The following KRT20 variants were observed in gnomAD, a reference collection of about 807,000 sequenced individuals.
The protein encoded by KRT20 is keratin 20.
Under a neutral mutation model 43.0 loss-of-function variants are expected in KRT20, and 41 were observed. The ratio of observed to expected loss-of-function variants is 0.95; its 90% CI spans 0.74 to 1.24. The LOEUF (loss-of-function observed/expected upper bound fraction) is 1.24. Ranked by LOEUF, KRT20 falls within the 50% of genes most tolerant of loss-of-function variation. KRT20 has a pLI of 0.00. For synonymous variants in KRT20, 207 were observed against 200.6 expected (o/e 1.03, Z -0.27); for missense variants, 533 against 521.2 (o/e 1.02, Z -0.22).
At position 40,877,315 on chromosome 17, in the gene KRT20, A is replaced by G. The variant is rs573260263; in HGVS notation, c.1177+65T>C. Reference sequence around the variant, plus strand: ...AAACAGCCTCACTTTACTTTTTATCAGTGGCATGTAGTTAATAGAAAGCAG... The same window carrying G: ...AAACAGCCTCACTTTACTTTTTATCGGTGGCATGTAGTTAATAGAAAGCAG... On this transcript the variant is annotated intron_variant, in intron 7 of 7. Coordinates refer to ENST00000167588, the MANE Select transcript of KRT20 (RefSeq NM_019010.3). 8 of 1,087,420 alleles carry G rather than the reference A, an allele frequency of 7.4e-6. No individual in the cohort carries two copies. In the African/African-American group the frequency reaches 1.2e-4, roughly 16 times the overall value. 67.4% of individuals were successfully genotyped at this position (1,087,420 alleles called of 1,614,324 possible).
rs57044103 is a variant in KRT20 at position 40,882,689 on chromosome 17, TTTTATTTATTTATTTA to T, written c.391-51_391-36del. On this transcript the variant is annotated intron_variant, in intron 1 of 7. Coordinates refer to ENST00000167588, the MANE Select transcript of KRT20 (RefSeq NM_019010.3). ...ACATGAGAAAGAATGACATTTTCTT[TTTTATTTATTTATTTA>T]TTTATTTATTTATTTATTTATTGAG... is the stretch of plus-strand genomic sequence containing the variant. 25 of 530,976 alleles carry T rather than the reference TTTTATTTATTTATTTA, an allele frequency of 4.7e-5. 1 individual carries two copies. In the Middle Eastern group the frequency reaches 2.5e-3, roughly 53 times the overall value. 32.9% of individuals were successfully genotyped at this position (530,976 alleles called of 1,614,324 possible). A position where few individuals can be genotyped will look rare whatever the true frequency, so the allele number is the denominator to read the frequency against.
At chr17:40,879,710 G>C (rs914990784) in intron 5 of KRT20, 103 bp downstream of exon 5, 13 of 1,311,444 alleles carry the variant, frequency 9.9e-6, no homozygotes, top group Admixed American at 5.9e-5. Flanking sequence ...GTTCTGCAAG[G>C]GGAAGGGTTA....
Position 40,877,404 on chromosome 17 carries a change from G to T in KRT20, c.1153C>A (p.Gln385Lys). ...EGEDVKTTEY[Q>K]LSTLEERDIK... is the part of the protein sequence containing the mutation. ...CCTCTCTCTTCCAGGGTGCTTAACT[G>T]ATATTCTGTAGTTCTGTTTTTTTTT... The change falls in exon 7 of 8, where the codon CAG becomes AAG. Residue 385 changes from glutamine to lysine, a missense_variant. Transcript: ENST00000167588. The T allele has an allele frequency of 6.6e-7, 1 of 1,511,246 alleles. No homozygotes were observed. The allele number at this position is 1,511,246 out of a possible 1,614,324, so 93.6% of individuals were successfully genotyped here.
chr17:40,885,074 C>G lies in KRT20; in HGVS notation c.112G>C (p.Gly38Arg), dbSNP rs1156868052. The change falls in exon 1 of 8, where the codon GGT becomes CGT. Residue 38 changes from glycine (G) to arginine (R), a missense_variant. Transcript: ENST00000167588. Reference protein sequence around the residue: ...RLGTTPSVYGGAGGRGIRISN... With the variant: ...RLGTTPSVYGRAGGRGIRISN... The stretch of plus-strand genomic sequence containing the variant: ...ATGCGGATGCCCCGGCCTCCAGCAC[C>G]CCCATAAACGCTGGGTGTCGTCCCG... The G allele has an allele frequency of 6.2e-7, 1 of 1,614,118 alleles. No homozygotes were observed. Among genetic ancestry groups the G allele is most frequent in the South Asian group, 1.1e-5 (1 of 91,080 alleles).
rs1907445583 is a variant in KRT20, at chr17:40,878,410, A to G, written c.919-45T>C. On this transcript the variant is annotated intron_variant, in intron 5 of 7. Transcript: ENST00000167588. Reference sequence around the variant, plus strand: ...AGGGCACTTCTTATGTGAGGACTTGATTCAAGAGATGGGTTAATTTTAATT... The same window carrying G: ...AGGGCACTTCTTATGTGAGGACTTGGTTCAAGAGATGGGTTAATTTTAATT... 8.1e-6 allele frequency: 11 copies of G among 1,362,422 alleles called. 1 individual carries two copies. Among genetic ancestry groups the G allele is most frequent in the Middle Eastern group, 4.4e-4 (2 of 4,564 alleles). 84.4% of individuals were successfully genotyped at this position (1,362,422 alleles called of 1,614,324 possible). A position where few individuals can be genotyped will look rare whatever the true frequency, so the allele number is the denominator to read the frequency against.
In KRT20 at chr17:40,876,235, C is replaced by G; in HGVS notation, c.*126G>C. The G allele has an allele frequency of 1.8e-6, 1 of 557,590 alleles. No homozygotes were observed. 34.5% of individuals were successfully genotyped at this position (557,590 alleles called of 1,614,324 possible). ...CTGATAAATAGGATTCCCGCCACCC[C>G]ACCCCTTCTAATCACTGCAGAGTAT... On this transcript the variant is annotated 3_prime_UTR_variant, in exon 8 of 8. Coordinates refer to ENST00000167588, the MANE Select transcript of KRT20 (RefSeq NM_019010.3).
In KRT20 at chr17:40,879,876, T is replaced by G; in HGVS notation, c.855A>C (p.Gln285His). 6.2e-7 allele frequency: 1 copy of G among 1,613,746 alleles called. No homozygotes were observed. The highest frequency in any genetic ancestry group is 8.5e-7 in the Non-Finnish European group (1 of 1,179,958). Residue 285 changes from glutamine to histidine, a missense_variant, in exon 5 of 8, where the codon CAA becomes CAC. Coordinates refer to ENST00000167588, the MANE Select transcript of KRT20 (RefSeq NM_019010.3). ...GGGAGGTGCGTCTCAGCTCCGTTAGTTGAACCTCAGTTCCTTTTAATTCTT... is the reference window on the plus strand; with the variant it reads ...GGGAGGTGCGTCTCAGCTCCGTTAGGTGAACCTCAGTTCCTTTTAATTCTT... ...NTEELKGTEV[Q>H]LTELRRTSQS...
At chr17:40,883,195 G>T (rs957104593) in intron 1 of KRT20, among the ~76,000 whole-genome samples, 6 of 152,128 alleles carry the variant, frequency 3.9e-5, no homozygotes, top group African/African-American at 1.2e-4. Context: ...CCCAGGGTTT[G>T]GTCTACTTTC....
rs184017836 is a variant in KRT20 at position 40,875,916 on chromosome 17, G to A, written c.*445C>T. 119 of 153,270 alleles carry A rather than the reference G, an allele frequency of 7.8e-4. No individual in the cohort carries two copies. The highest frequency in any genetic ancestry group is 1.3e-3 in the Non-Finnish European group (88 of 68,698). 9.5% of individuals were successfully genotyped at this position (153,270 alleles called of 1,614,324 possible). A position where few individuals can be genotyped will look rare whatever the true frequency, so the allele number is the denominator to read the frequency against. On this transcript the variant is annotated 3_prime_UTR_variant, in exon 8 of 8. Coordinates refer to ENST00000167588, the MANE Select transcript of KRT20 (RefSeq NM_019010.3). The stretch of plus-strand genomic sequence containing the variant: ...CAGAAATTGGCTCAATAAGAAACCA[G>A]GGACTCCCAAAGGGGGTTTTACAAT...
chr17:40,884,553 G>C (rs7210968), intron 1 of KRT20, among the ~76,000 whole-genome samples: 1 of 152,002 alleles, frequency 6.6e-6, no homozygotes, highest in Admixed American at 6.5e-5. Flanking sequence ...ATTTTATTCC[G>C]GAGGATAAAA....
Position 40,885,118 on chromosome 17 carries a change from G to A in KRT20, c.68C>T (p.Thr23Ile). 1 of 1,613,580 alleles carries A rather than the reference G, an allele frequency of 6.2e-7. No homozygotes were observed. Among genetic ancestry groups the A allele is most frequent in the South Asian group, 1.1e-5 (1 of 91,066 alleles). Residue 23 changes from threonine (T) to isoleucine (I), a missense_variant, in exon 1 of 8, where the codon ACA (threonine) becomes ATA (isoleucine). Thr to Ile is a moderately conservative substitution (Grantham distance 89, BLOSUM62 -1). Coordinates refer to ENST00000167588, the MANE Select transcript of KRT20 (RefSeq NM_019010.3). Reference sequence around the variant, plus strand: ...CGTCCCGAGGCGCTGCATGCCCACTGTACTGACTACAGGGGCCTGCAAGGA... The same window carrying A: ...CGTCCCGAGGCGCTGCATGCCCACTATACTGACTACAGGGGCCTGCAAGGA... ...SSSLQAPVVS[T>I]VGMQRLGTTP...
rs201482581 is a variant in KRT20, at chr17:40,879,924, C to A, written c.807G>T (p.Gln269His). The stretch of plus-strand genomic sequence containing the variant: ...CTTCAGTATTCACTGTGACCTGTTG[C>A]TGCAGAACTGCAGTCTACAGTGCCA... Reference protein sequence around the residue: ...EQFERQTAVLQQQVTVNTEEL... With the variant: ...EQFERQTAVLHQQVTVNTEEL... The change falls in exon 5 of 8, where the codon CAG becomes CAT. Residue 269 changes from glutamine (Q) to histidine (H), a missense_variant. Gln to His is a conservative substitution (Grantham distance 24, BLOSUM62 0). Transcript: ENST00000167588. 2 of 1,613,568 alleles carry A rather than the reference C, an allele frequency of 1.2e-6. No individual in the cohort carries two copies. Among genetic ancestry groups the A allele is most frequent in the Admixed American group, 3.3e-5 (2 of 59,914 alleles).
At chr17:40,883,152 C>A (rs895551897) in intron 1 of KRT20, among the ~76,000 whole-genome samples, 2 of 152,154 alleles carry the variant, frequency 1.3e-5, no homozygotes, top group African/African-American at 4.8e-5. Context: ...AGTTATTTAA[C>A]ATAACAGAGT....
chr17:40,879,693 C>T, intron 5 of KRT20, 120 bp downstream of exon 5: 3 of 1,127,824 alleles, frequency 2.7e-6, no homozygotes, highest in South Asian at 1.6e-5. Context: ...GGCCTGTTTC[C>T]CTGCCAGTTC....
In KRT20 at chr17:40,880,241, C is replaced by A; in HGVS notation, c.651G>T (p.Lys217Asn). Residue 217 changes from lysine to asparagine, a missense_variant, in exon 4 of 8, where the codon AAG (lysine) becomes AAT (asparagine). Transcript: ENST00000167588. The part of the protein sequence containing the change: ...EHQEEVDGLH[K>N]HLGNTVNVEV... Reference sequence around the variant, plus strand: ...CCACATTGACAGTGTTGCCCAGATGCTTGTGTAGGCCATCGACTTCCTATG... The same window carrying A: ...CCACATTGACAGTGTTGCCCAGATGATTGTGTAGGCCATCGACTTCCTATG... The A allele has an allele frequency of 6.2e-7, 1 of 1,602,016 alleles. No homozygotes were observed. Among genetic ancestry groups the A allele is most frequent in the Non-Finnish European group, 8.5e-7 (1 of 1,174,550 alleles).
At chr17:40,878,456 C>CA (rs1216241327) in intron 5 of KRT20, 91 bp from the exon 6 acceptor site, 2 of 903,302 alleles carry the variant, frequency 2.2e-6, no homozygotes, top group African/African-American at 3.3e-5. Context: ...AGGGTCTCTG[C>CA]AGTTCATCAC....
intron 1 of KRT20, 124 bp from the exon 2 acceptor site, chr17:40,882,778 C>T (rs963170469): frequency 2.4e-5 from 6 of 249,600 alleles, no homozygotes; most frequent in African/African-American, 7.0e-5. Flanking sequence ...GGTACGATCT[C>T]GGCTCACTGT....
intron 6 of KRT20, 57 bp downstream of exon 6, chr17:40,878,088 T>C: frequency 1.4e-6 from 2 of 1,396,738 alleles, no homozygotes; most frequent in Non-Finnish European, 2.0e-6. Context: ...GACAGGGACA[T>C]TAAAATAGAA....
At chr17:40,876,617 A>T (rs1907356742) in intron 7 of KRT20, among the ~76,000 whole-genome samples, 159 bp from the exon 8 acceptor site, 1 of 152,208 alleles carries the variant, frequency 6.6e-6, no homozygotes, top group Non-Finnish European at 1.5e-5. Context: ...CCATTTTATA[A>T]ATAGATGCAG....
Sources: allele counts gnomAD v4.1 joint callset (sites outside exome capture counted in the v4.1 genomes callset), GRCh38; gene constraint gnomAD v4.1.1; transcripts MANE v1.5; gene names NCBI Gene and HGNC (gene_info 2026-07-23, HGNC 2026-07-21).